The following MSH4 variants were observed in gnomAD, a reference collection of about 807,000 sequenced individuals.
MSH4 encodes mutS protein homolog 4.
Under a neutral mutation model 113.7 loss-of-function variants are expected in MSH4, and 106 were observed. The observed-to-expected ratio is 0.93, with a 90% CI of 0.80 to 1.10. The LOEUF is 1.10. Ranked by LOEUF, MSH4 falls within the 50% of genes least tolerant of loss-of-function variation. The pLI is 0.00. For synonymous variants in MSH4, 368 were observed against 380.2 expected (o/e 0.97, Z 0.37); for missense variants, 1,061 against 1,093.7 (o/e 0.97, Z 0.42).
At chr1:75,832,018 A>G (rs903353628) in intron 7 of MSH4, among the ~76,000 whole-genome samples, 16 of 152,190 alleles carry the variant, frequency 1.1e-4, no homozygotes, top group South Asian at 2.1e-4. Flanking sequence ...GAAAAGATCA[A>G]CAAAATTGAT....
chr1:75,900,684 T>G (rs1452469886), intron 19 of MSH4, among the ~76,000 whole-genome samples: 1 of 152,110 alleles, frequency 6.6e-6, no homozygotes, highest in Non-Finnish European at 1.5e-5. Context: ...CAATAACAAT[T>G]TTCTGTGTCC....
intron 1 of MSH4, among the ~76,000 whole-genome samples, chr1:75,799,799 G>A (rs548837267): frequency 6.6e-6 from 1 of 152,134 alleles, no homozygotes; most frequent in Non-Finnish European, 1.5e-5. Flanking sequence ...CTGGATAGAT[G>A]GTAGTAGTAT....
chr1:75,887,670 C>T (rs115012932), intron 15 of MSH4, among the ~76,000 whole-genome samples: 9 of 152,196 alleles, frequency 5.9e-5, no homozygotes, highest in Non-Finnish European at 1.2e-4. Context: ...TTGTAAGAGG[C>T]AGCACAAGGA....
intron 8 of MSH4, among the ~76,000 whole-genome samples, chr1:75,856,756 A>G (rs1441215468): frequency 6.6e-6 from 1 of 152,208 alleles, no homozygotes; most frequent in South Asian, 2.1e-4. Context: ...ATACATGTAC[A>G]TGTGTCTTTA....
chr1:75,798,048 A>C (rs9729777), intron 1 of MSH4, among the ~76,000 whole-genome samples: 1 of 152,218 alleles, frequency 6.6e-6, no homozygotes, highest in East Asian at 1.9e-4. Context: ...ATTGCAACAC[A>C]ATGGTAAAGT....
At chr1:75,854,316 C>A (rs1045780800) in intron 8 of MSH4, among the ~76,000 whole-genome samples, 9 of 151,958 alleles carry the variant, frequency 5.9e-5, no homozygotes, top group Non-Finnish European at 1.0e-4. Flanking sequence ...CATGCAGATA[C>A]CATCTTCACT....
rs1157982828 is a variant in MSH4 at position 75,822,509 on chromosome 1, AC to A, written c.1092del (p.Ile365LeufsTer3). 1 of 1,587,260 alleles carries A rather than the reference AC, an allele frequency of 6.3e-7. No individual in the cohort carries two copies. Among genetic ancestry groups the A allele is most frequent in the Non-Finnish European group, 8.5e-7 (1 of 1,170,454 alleles). ...ATTAGAGCCTCTAGTTGATATTGAA[AC>A]CATTAACATGAGATTAGATTGTGTT... ...NILEPLVDIE[T>X]INMRLDCVQE... On this transcript the variant is annotated frameshift_variant, in exon 7 of 20. Transcript: ENST00000263187. LOFTEE classifies it high-confidence loss of function.
intron 9 of MSH4, among the ~76,000 whole-genome samples, chr1:75,873,575 C>T (rs1282099946): frequency 6.6e-6 from 1 of 151,966 alleles, no homozygotes; most frequent in Non-Finnish European, 1.5e-5. Context: ...CCTCCACCCT[C>T]AAGCAAACGC....
chr1:75,809,802 C>A (rs1650148765), intron 3 of MSH4, among the ~76,000 whole-genome samples: 1 of 151,976 alleles, frequency 6.6e-6, no homozygotes, highest in East Asian at 1.9e-4. Context: ...ATGTGCACAC[C>A]ACCAAGCCTG....
chr1:75,876,896 A>G (rs771600857), intron 9 of MSH4, 40 bp from the exon 10 acceptor site: 1 of 1,144,040 alleles, frequency 8.7e-7, no homozygotes, highest in South Asian at 1.7e-5. Flanking sequence ...ATGATCTTGT[A>G]ATTGATTATC....
rs753382456 is a variant in MSH4 at position 75,822,366 on chromosome 1, G to A, written c.990-43G>A. On this transcript the variant is annotated intron_variant, in intron 6 of 19. Coordinates refer to ENST00000263187, the MANE Select transcript of MSH4 (RefSeq NM_002440.4). ...ACAAAGTGAAATGAAATTTTCTTGC[G>A]TTTTTCTTTGTATTCTTACTGACAT... is the stretch of plus-strand genomic sequence containing the variant. 8 of 1,285,180 alleles carry A rather than the reference G, an allele frequency of 6.2e-6. No homozygotes were observed. In the Admixed American group the frequency reaches 8.1e-5, roughly 13 times the overall value. The allele number at this position is 1,285,180 out of a possible 1,614,324, so 79.6% of individuals were successfully genotyped here. A position where few individuals can be genotyped will look rare whatever the true frequency, so the allele number is the denominator to read the frequency against.
intron 10 of MSH4, 102 bp downstream of exon 10, chr1:75,877,102 G>A (rs1457015028): frequency 3.0e-6 from 2 of 665,778 alleles, no homozygotes; most frequent in South Asian, 7.5e-5. Flanking sequence ...ACAATTACTT[G>A]AGTTTTGGTT....
chr1:75,859,321 T>C (rs1651399669), intron 8 of MSH4, among the ~76,000 whole-genome samples: 1 of 152,182 alleles, frequency 6.6e-6, no homozygotes. Context: ...ATTTGTTTGC[T>C]CTTGACTGTC....
At position 75,810,489 on chromosome 1, in the gene MSH4, A is replaced by T. The variant is rs144240748; in HGVS notation, c.589-208A>T. ...AGGTGGGTCTCGAACTCCTGGCCTC[A>T]AGTGATCTGCCCACCTCAGCCTCCC... On this transcript the variant is annotated intron_variant, in intron 3 of 19. Coordinates refer to ENST00000263187, the MANE Select transcript of MSH4 (RefSeq NM_002440.4). 3.5e-3 allele frequency among the ~76,000 whole-genome samples: 527 copies of T among 148,492 alleles called. 5 individuals are homozygous for T. The highest frequency in any genetic ancestry group is 0.012 in the African/African-American group (498 of 40,556).
intron 8 of MSH4, among the ~76,000 whole-genome samples, chr1:75,861,200 G>A (rs2100556286): frequency 6.6e-6 from 1 of 152,184 alleles, no homozygotes; most frequent in Middle Eastern, 3.4e-3. Context: ...CTTTTGATGG[G>A]TTAGAACCTG....
chr1:75,806,876 G>T, intron 2 of MSH4, 105 bp from the exon 3 acceptor site: 1 of 989,772 alleles, frequency 1.0e-6, no homozygotes. Context: ...GATATCTACA[G>T]ATTGCATTAT....
intron 11 of MSH4, 69 bp from the exon 12 acceptor site, chr1:75,878,923 A>G (rs1651872321): frequency 1.5e-6 from 2 of 1,358,342 alleles, no homozygotes; most frequent in East Asian, 2.3e-5. Context: ...TCTTTAAAAC[A>G]GAGTGATTTT....
intron 2 of MSH4, among the ~76,000 whole-genome samples, chr1:75,805,910 T>C (rs1650049368): frequency 6.6e-6 from 1 of 151,316 alleles, no homozygotes. Context: ...TAATAAATTG[T>C]ATTGGTTAAT....
rs563785330 is a variant in MSH4 at position 75,856,005 on chromosome 1, G to A, written c.1230+7729G>A. Among the ~76,000 whole-genome samples the A allele has an allele frequency of 1.1e-3, 171 of 152,194 alleles. 1 individual carries two copies. The highest frequency in any genetic ancestry group is 3.4e-3 in the Middle Eastern group (1 of 292). ...GTTTCATACAGTGTCACTAGTTATA[G>A]GAATTAGTAATATACATCTTTTTGC... On this transcript the variant is annotated intron_variant, in intron 8 of 19. Coordinates refer to ENST00000263187, the MANE Select transcript of MSH4 (RefSeq NM_002440.4).
Sources: gnomAD v4.1 joint callset for allele counts (sites outside exome capture counted in the v4.1 genomes callset) on GRCh38, gnomAD v4.1.1 for gene constraint, MANE v1.5 for transcripts, NCBI Gene and HGNC (gene_info 2026-07-23, HGNC 2026-07-21) for gene names.